LINC00632: variants seen among roughly 807,000 people sequenced by gnomAD.
LINC00632 encodes the protein long independently transcribed non-coding RNA 632.
At chrX:140,739,440 C>T (rs1030116113) in intron 3 of LINC00632, among the ~76,000 whole-genome samples, 5 of 110,424 alleles carry the variant, frequency 4.5e-5, no homozygotes, top group African/African-American at 1.3e-4. Context: ...AGGCTAGTCT[C>T]GAATTCCTGA....
exon 5 of LINC00632, among the ~76,000 whole-genome samples, chrX:140,779,642 A>G (rs944650267): frequency 8.9e-6 from 1 of 112,115 alleles, no homozygotes; most frequent in African/African-American, 3.2e-5. Context: ...ATCAAATAGA[A>G]AATAGATGAA....
intron 2 of LINC00632, among the ~76,000 whole-genome samples, chrX:140,724,475 ACATACACACACACACATTC>A (rs1930871901): frequency 5.2e-5 from 3 of 57,526 alleles, no homozygotes; most frequent in Admixed American, 1.9e-4. Context: ...CATATTCCAT[ACATACACACACACACATTC>A]CATACACACA....
intron 2 of LINC00632, among the ~76,000 whole-genome samples, chrX:140,724,495 CAT>C (rs1840143110): frequency 8.9e-6 from 1 of 111,901 alleles, no homozygotes; most frequent in Non-Finnish European, 1.9e-5. Context: ...ACACACATTC[CAT>C]ACACACACAC....
At chrX:140,770,209 G>C (rs1186833144) in intron 3 of LINC00632, among the ~76,000 whole-genome samples, 1 of 111,332 alleles carries the variant, frequency 9.0e-6, no homozygotes, top group African/African-American at 3.3e-5. Flanking sequence ...AGGAGGTTAA[G>C]GCATTCTTAA....
intron 2 of LINC00632, among the ~76,000 whole-genome samples, chrX:140,726,402 A>C (rs1316297329): frequency 9.0e-6 from 1 of 111,416 alleles, no homozygotes; most frequent in Non-Finnish European, 1.9e-5. Flanking sequence ...TACAGAACAA[A>C]GACTCACCTC....
At chrX:140,744,644 A>T (rs1464237665) in intron 3 of LINC00632, among the ~76,000 whole-genome samples, 1 of 106,270 alleles carries the variant, frequency 9.4e-6, no homozygotes, top group African/African-American at 3.4e-5. Flanking sequence ...ATCTTGGCTC[A>T]CTGCAACCTC....
exon 5 of LINC00632, among the ~76,000 whole-genome samples, chrX:140,775,372 GA>G (rs1216577164): frequency 9.0e-6 from 1 of 111,350 alleles, no homozygotes; most frequent in East Asian, 2.8e-4. Context: ...TTTAACAGAG[GA>G]AAAAAAACCA....
intron 3 of LINC00632, among the ~76,000 whole-genome samples, chrX:140,756,881 A>G (rs1412654629): frequency 9.0e-6 from 1 of 111,554 alleles, no homozygotes; most frequent in Non-Finnish European, 1.9e-5. Context: ...GTGTTTTTAA[A>G]CTGATTGTGT....
chrX:140,784,204 C>T (rs149811112), exon 5 of LINC00632: 33 of 1,210,047 alleles, frequency 2.7e-5, no homozygotes, highest in African/African-American at 3.5e-5. Context: ...AGCAAATCCA[C>T]GTCTTCCAAC....
At chrX:140,762,031 T>C (rs781035390) in intron 3 of LINC00632, among the ~76,000 whole-genome samples, 2 of 111,490 alleles carry the variant, frequency 1.8e-5, no homozygotes, top group Non-Finnish European at 3.8e-5. Context: ...TCTGAAAAAA[T>C]ATGGCAAAGA....
intron 3 of LINC00632, chrX:140,734,071 G>A (rs985727764): frequency 1.8e-5 from 2 of 112,142 alleles, no homozygotes; most frequent in African/African-American, 6.5e-5. Context: ...AAGTTATAGC[G>A]ATTTCTGCTA....
At chrX:140,753,084 G>A (rs761267591) in intron 3 of LINC00632, among the ~76,000 whole-genome samples, 1 of 112,059 alleles carries the variant, frequency 8.9e-6, no homozygotes, top group Non-Finnish European at 1.9e-5. Context: ...AAATAGAAAA[G>A]GAAGATCAGT....
At chrX:140,721,679 C>T (rs764543211) in intron 2 of LINC00632, among the ~76,000 whole-genome samples, 1 of 110,918 alleles carries the variant, frequency 9.0e-6, no homozygotes, top group East Asian at 2.9e-4. Context: ...CTGCCTTACA[C>T]CACATGGCGT....
At chrX:140,737,177 A>G (rs1931158410) in intron 3 of LINC00632, among the ~76,000 whole-genome samples, 1 of 111,120 alleles carries the variant, frequency 9.0e-6, no homozygotes, top group African/African-American at 3.3e-5. Context: ...TGGCATTACA[A>G]GCTTTAGCCA....
chrX:140,730,514 C>T lies in LINC00632; in HGVS notation n.105-3364C>T, dbSNP rs187335158. On this transcript the variant is annotated intron_variant and non_coding_transcript_variant, in intron 2 of 4. Coordinates refer to ENST00000648200, the Ensembl canonical transcript of LINC00632. Reference sequence around the variant, plus strand: ...ACTACACAGAGACATGTCATTTCACCGAGAAACTAGCCCCAGAACACTCAG... The same window carrying T: ...ACTACACAGAGACATGTCATTTCACTGAGAAACTAGCCCCAGAACACTCAG... Among the ~76,000 whole-genome samples the T allele has an allele frequency of 3.4e-4, 37 of 110,350 alleles. No homozygotes were observed. The East Asian group carries it at 9.4e-3, about 28-fold the overall frequency.
intron 3 of LINC00632, among the ~76,000 whole-genome samples, chrX:140,736,321 T>C (rs1056644975): frequency 4.8e-4 from 53 of 111,135 alleles, no homozygotes; most frequent in African/African-American, 1.7e-3. Context: ...TTTTAGAACA[T>C]TGGAGTTGAA....
At chrX:140,712,563 T>TTAA (rs1930541221) in intron 2 of LINC00632, among the ~76,000 whole-genome samples, 1 of 109,815 alleles carries the variant, frequency 9.1e-6, no homozygotes, top group South Asian at 4.0e-4. Flanking sequence ...CTGGCCGTAG[T>TTAA]CTCATGTAGG....
At chrX:140,709,765 A>G (rs775897030) in exon 1 of LINC00632, 77 of 337,311 alleles carry the variant, frequency 2.3e-4, no homozygotes, top group African/African-American at 1.8e-3. Flanking sequence ...CTTCAGTGCG[A>G]CAGACAGCCT....
intron 3 of LINC00632, among the ~76,000 whole-genome samples, chrX:140,745,249 T>C (rs1446340954): frequency 9.1e-6 from 1 of 110,057 alleles, no homozygotes; most frequent in African/African-American, 3.3e-5. Context: ...GCCATATTCA[T>C]TAGATAACTC....
Sources: allele counts gnomAD v4.1 joint callset (sites outside exome capture counted in the v4.1 genomes callset), GRCh38; gene constraint gnomAD v4.1.1; transcripts MANE v1.5; gene names NCBI Gene and HGNC (gene_info 2026-07-23, HGNC 2026-07-21).